Variants in EP400 observed in about 807,000 individuals in gnomAD.
EP400 encodes the protein E1A-binding protein p400.
In EP400, 105 loss-of-function variants were observed where a neutral mutation model predicts 354.1. That is an observed-to-expected ratio of 0.30 (90% CI 0.25 to 0.35). EP400 has a LOEUF of 0.35. EP400 is among the 10% of genes least tolerant of loss of function. The pLI is 1.00. For missense variants in EP400, 3,280 were observed against 4,121.0 expected (o/e 0.80, Z 5.59); for synonymous variants, 1,646 against 1,716.9 (o/e 0.96, Z 1.02).
At chr12:132,023,132 G>C (rs887652400) in intron 23 of EP400, among the ~76,000 whole-genome samples, 1 of 145,378 alleles carries the variant, frequency 6.9e-6, no homozygotes, top group Non-Finnish European at 1.5e-5. Context: ...ATACATTTCT[G>C]CTTTTTTTTT....
At chr12:132,060,436 C>G (rs994916480) in intron 45 of EP400, among the ~76,000 whole-genome samples, 1 of 152,168 alleles carries the variant, frequency 6.6e-6, no homozygotes, top group Non-Finnish European at 1.5e-5. Context: ...AAAGGAACCA[C>G]GTCTGCATAA....
intron 2 of EP400, among the ~76,000 whole-genome samples, chr12:131,962,817 A>C (rs1345122122): frequency 6.6e-6 from 1 of 152,178 alleles, no homozygotes; most frequent in African/African-American, 2.4e-5. Context: ...GGTGGAGCTT[A>C]TTTTGTTTTA....
chr12:131,963,700 A>G (rs1371112070), intron 2 of EP400: 2 of 1,401,206 alleles, frequency 1.4e-6, no homozygotes, highest in East Asian at 2.4e-5. Flanking sequence ...TCATCCAGAT[A>G]TTTTAACCTT....
At position 132,067,071 on chromosome 12, in the gene EP400, CA is replaced by C; in HGVS notation, c.8749+103del. The stretch of plus-strand genomic sequence containing the variant: ...GCGACCCGTGTTCTTTCCTCACACC[CA>C]CCCACTTGAGCGTGCCATCACGTGT... On this transcript the variant is annotated intron_variant, in intron 49 of 52. Transcript: ENST00000389561. This position sits in a 1 kb window ranked among gnomAD's most constrained non-coding sequence, Gnocchi z 5.3. 1 of 1,375,926 alleles carries C rather than the reference CA, an allele frequency of 7.3e-7. No individual in the cohort carries two copies. 85.2% of individuals were successfully genotyped at this position (1,375,926 alleles called of 1,614,324 possible). A position where few individuals can be genotyped will look rare whatever the true frequency, so the allele number is the denominator to read the frequency against.
rs1424931127 is a variant in EP400, at chr12:132,031,975, G to C, written c.5777G>C (p.Arg1926Thr). Reference protein sequence around the residue: ...QRQELMRSFNRDRRIFCAILS... With the variant: ...QRQELMRSFNTDRRIFCAILS... ...TAGGAACTGATGAGGAGTTTCAACA[G>C]AGACAGGCGGATTTTTTGTGCCATT... The change falls in exon 30 of 53, where the codon AGA becomes ACA. Residue 1926 changes from arginine to threonine, a missense_variant. This residue lies in a region of EP400 where 459 missense variants were observed against 496.9 expected (regional missense o/e 0.92). Coordinates refer to ENST00000389561, the MANE Select transcript of EP400 (RefSeq NM_015409.5). 6.2e-7 allele frequency: 1 copy of C among 1,612,720 alleles called. No individual in the cohort carries two copies. Among genetic ancestry groups the C allele is most frequent in the Non-Finnish European group, 8.5e-7 (1 of 1,178,952 alleles).
At chr12:132,011,766 A>G in intron 16 of EP400, 132 bp downstream of exon 16, 1 of 1,177,036 alleles carries the variant, frequency 8.5e-7, no homozygotes, top group Non-Finnish European at 1.2e-6. Flanking sequence ...GAGTTAACAG[A>G]CCTTTATGTT....
At chr12:132,048,306 G>A (rs1304675357) in intron 39 of EP400, among the ~76,000 whole-genome samples, 2 of 152,192 alleles carry the variant, frequency 1.3e-5, no homozygotes, top group Non-Finnish European at 2.9e-5. Flanking sequence ...AGAGATTGCA[G>A]TAAAGACAGG....
At chr12:132,022,239 G>T (rs11246900) in intron 23 of EP400, among the ~76,000 whole-genome samples, 17,540 of 152,240 alleles carry the variant, frequency 0.12, 1,727 homozygotes, top group East Asian at 0.55. Flanking sequence ...TCATGTTGGT[G>T]GTTGCCAGAG....
At position 131,990,919 on chromosome 12, in the gene EP400, C is replaced by G. The variant is rs1227730403; in HGVS notation, c.2629+205C>G. 6.6e-6 allele frequency among the ~76,000 whole-genome samples: 1 copy of G among 152,114 alleles called. No individual in the cohort carries two copies. The highest frequency in any genetic ancestry group is 1.5e-5 in the Non-Finnish European group (1 of 68,024). The stretch of plus-strand genomic sequence containing the variant: ...GAGATGTGCTAGTGTGAGTCAGCAC[C>G]CCCAAGTTGATAAACTCTGGGACAC... On this transcript the variant is annotated intron_variant, in intron 9 of 52. Transcript: ENST00000389561. The surrounding 1 kb of genome is among the most constrained non-coding windows in gnomAD (Gnocchi z 4.2).
intron 12 of EP400, among the ~76,000 whole-genome samples, chr12:132,004,240 T>C (rs891250768): frequency 1.3e-5 from 2 of 152,230 alleles, no homozygotes; most frequent in Non-Finnish European, 2.9e-5. Flanking sequence ...CCCAGTGTTA[T>C]GATTTTAAGG....
chr12:132,062,369 G>T, intron 46 of EP400, 46 bp downstream of exon 46: 1 of 1,611,176 alleles, frequency 6.2e-7, no homozygotes, highest in South Asian at 1.1e-5. Flanking sequence ...CTGCTCTGGC[G>T]CGTGTGAGGG....
Position 132,038,294 on chromosome 12 carries a change from T to G in EP400, c.6207+198T>G, listed in dbSNP as rs1040889444. Among the ~76,000 whole-genome samples, 4 of 152,196 alleles carry G rather than the reference T, an allele frequency of 2.6e-5. No individual in the cohort carries two copies. Among genetic ancestry groups the G allele is most frequent in the African/African-American group, 9.7e-5 (4 of 41,442 alleles). The stretch of plus-strand genomic sequence containing the variant: ...GAACTGTAAATACAAGTGAGGGGAA[T>G]GGTGGCGAAGGTCGCGGACCACAGG... On this transcript the variant is annotated intron_variant, in intron 32 of 52. Coordinates refer to ENST00000389561, the MANE Select transcript of EP400 (RefSeq NM_015409.5). This position sits in a 1 kb window ranked among gnomAD's most constrained non-coding sequence, Gnocchi z 4.2.
intron 2 of EP400, among the ~76,000 whole-genome samples, chr12:131,965,217 G>C (rs1892035566): frequency 6.6e-6 from 1 of 152,198 alleles, no homozygotes; most frequent in Non-Finnish European, 1.5e-5. Context: ...CGTTAAGGTG[G>C]TTTCTACCAG....
intron 1 of EP400, among the ~76,000 whole-genome samples, chr12:131,954,726 GAAAAAAAA>G: frequency 1.2e-5 from 1 of 83,734 alleles, no homozygotes; most frequent in African/African-American, 5.0e-5. Flanking sequence ...CTCCATCTCA[GAAAAAAAA>G]AAAAAAAAAA....
intron 23 of EP400, among the ~76,000 whole-genome samples, chr12:132,023,299 A>ATTTTTTTT (rs767816284): frequency 4.2e-5 from 3 of 71,078 alleles, no homozygotes; most frequent in African/African-American, 8.3e-5. Context: ...TGCCCAGCTA[A>ATTTTTTTT]TTTTTTTTTT....
chr12:131,968,083 A>C (rs1892163081), intron 2 of EP400, among the ~76,000 whole-genome samples: 1 of 152,094 alleles, frequency 6.6e-6, no homozygotes, highest in South Asian at 2.1e-4. Context: ...TATCTTTTTC[A>C]GAACAAAAGT....
Position 131,991,409 on chromosome 12 carries a change from A to G in EP400, c.2632A>G (p.Lys878Glu). 1 of 1,613,832 alleles carries G rather than the reference A, an allele frequency of 6.2e-7. No homozygotes were observed. Among genetic ancestry groups the G allele is most frequent in the Non-Finnish European group, 8.5e-7 (1 of 1,179,886 alleles). Residue 878 changes from lysine (K) to glutamate (E), a missense_variant and splice_region_variant, in exon 10 of 53, where the codon AAA becomes GAA. By Grantham distance (56) the Lys-to-Glu change is moderately conservative. Around this residue, in one of 20 missense-constraint regions of EP400, gnomAD observed 800 missense variants for 840.0 expected, o/e 0.95. Transcript: ENST00000389561. Reference protein sequence around the residue: ...LNLQKVSRRGKELRPKGFDAL... With the variant: ...LNLQKVSRRGEELRPKGFDAL... ...AACTGTGCTCCTTGTCTCTCTAGGGAAAGAATTGAGACCTAAAGGATTTGA... is the reference window on the plus strand; with the variant it reads ...AACTGTGCTCCTTGTCTCTCTAGGGGAAGAATTGAGACCTAAAGGATTTGA...
intron 2 of EP400, among the ~76,000 whole-genome samples, chr12:131,962,960 T>G (rs147119104): frequency 2.6e-4 from 39 of 152,356 alleles, no homozygotes; most frequent in African/African-American, 8.7e-4. Context: ...GGCTTTGCCA[T>G]TTTGTGTTTT....
intron 27 of EP400, 40 bp downstream of exon 27, chr12:132,028,328 G>A: frequency 6.3e-7 from 1 of 1,598,966 alleles, no homozygotes; most frequent in African/African-American, 1.3e-5. Flanking sequence ...CTCTCTGGCT[G>A]CATTGCACCC....
Sources: gnomAD v4.1 joint callset for allele counts (sites outside exome capture counted in the v4.1 genomes callset) on GRCh38, gnomAD v4.1.1 for gene constraint, gnomAD v4.1.1 regional missense constraint, Gnocchi (gnomAD v3.1) non-coding constraint, MANE v1.5 for transcripts, NCBI Gene and HGNC (gene_info 2026-07-23, HGNC 2026-07-21) for gene names.